ATP2C2: variants seen among roughly 807,000 people sequenced by gnomAD.
ATP2C2 encodes ATPase secretory pathway Ca2+ transporting 2.
A neutral mutation model predicts 110.8 loss-of-function variants in ATP2C2; 171 were observed. The ratio of observed to expected loss-of-function variants is 1.54; its 90% CI spans 1.36 to 1.75. ATP2C2 has a LOEUF of 1.75. Among genes scored for constraint, ATP2C2 ranks in the 40% most tolerant of loss-of-function variants. ATP2C2 has a pLI of 0.00. For synonymous variants in ATP2C2, 804 were observed against 508.4 expected (o/e 1.58, Z -7.82); for missense variants, 1,963 against 1,235.0 (o/e 1.59, Z -8.84).
At chr16:84,463,211 C>T (rs903599025) in intron 26 of ATP2C2, among the ~76,000 whole-genome samples, 11 of 24,088 alleles carry the variant, frequency 4.6e-4, no homozygotes, top group Admixed American at 9.4e-4. Context: ...GGGAACATGT[C>T]GCTGGGAATT....
chr16:84,444,162 C>CAAAAAAAAAAAAAAAAAAA, intron 15 of ATP2C2, among the ~76,000 whole-genome samples: 1 of 104,572 alleles, frequency 9.6e-6, no homozygotes, highest in Non-Finnish European at 1.9e-5. Context: ...GATCCTGCCT[C>CAAAAAAAAAAAAAAAAAAA]AAAAAAAAAA....
At chr16:84,413,238 G>C (rs1906543066) in intron 6 of ATP2C2, among the ~76,000 whole-genome samples, 1 of 152,114 alleles carries the variant, frequency 6.6e-6, no homozygotes, top group African/African-American at 2.4e-5. Context: ...TTTTCAGGGA[G>C]AGCTTTAGTA....
intron 2 of ATP2C2, among the ~76,000 whole-genome samples, chr16:84,403,244 A>C (rs1490227926): frequency 1.3e-5 from 2 of 152,112 alleles, no homozygotes; most frequent in South Asian, 4.2e-4. Context: ...GTTTCTTAAG[A>C]CAGGCCTATT....
At chr16:84,379,489 C>A (rs1182357084) in intron 1 of ATP2C2, among the ~76,000 whole-genome samples, 1 of 152,180 alleles carries the variant, frequency 6.6e-6, no homozygotes, top group Non-Finnish European at 1.5e-5. Flanking sequence ...GATGACATGT[C>A]CTCCAAGTGT....
chr16:84,451,362 C>T (rs1272585032), intron 17 of ATP2C2, among the ~76,000 whole-genome samples: 2 of 152,172 alleles, frequency 1.3e-5, no homozygotes, highest in African/African-American at 4.8e-5. Context: ...ACAGCCAAAC[C>T]ATATCAAGCA....
At chr16:84,414,360 C>T (rs1292048484) in intron 6 of ATP2C2, among the ~76,000 whole-genome samples, 1 of 152,206 alleles carries the variant, frequency 6.6e-6, no homozygotes, top group African/African-American at 2.4e-5. Flanking sequence ...ACCTTGTGCC[C>T]ACTGGGGTTG....
intron 3 of ATP2C2, among the ~76,000 whole-genome samples, 158 bp from the exon 4 acceptor site, chr16:84,408,247 G>T (rs1357907741): frequency 6.6e-6 from 1 of 152,200 alleles, no homozygotes; most frequent in Non-Finnish European, 1.5e-5. Flanking sequence ...GAGGACCACT[G>T]CATGGGGGTG....
intron 26 of ATP2C2, 119 bp from the exon 27 acceptor site, chr16:84,463,495 A>AT: frequency 1.2e-6 from 1 of 826,296 alleles, no homozygotes; most frequent in South Asian, 1.5e-5. Flanking sequence ...CAGGGGAATG[A>AT]AAAGGGCTGG....
intron 21 of ATP2C2, 55 bp from the exon 22 acceptor site, chr16:84,459,065 G>C (rs1597880895): frequency 1.3e-6 from 2 of 1,590,550 alleles, no homozygotes; most frequent in Middle Eastern, 1.8e-4. Context: ...CCGATGCACT[G>C]GTCCAGCCCT....
intron 11 of ATP2C2, among the ~76,000 whole-genome samples, chr16:84,437,123 G>T (rs1416653028): frequency 6.6e-6 from 1 of 152,118 alleles, no homozygotes; most frequent in East Asian, 1.9e-4. Flanking sequence ...TCCATTTAAA[G>T]CATACAATTT....
At chr16:84,383,569 C>G (rs1910711456) in intron 1 of ATP2C2, among the ~76,000 whole-genome samples, 1 of 152,106 alleles carries the variant, frequency 6.6e-6, no homozygotes, top group Non-Finnish European at 1.5e-5. Context: ...TTCAAATGGA[C>G]AGAAAAGTTG....
intron 11 of ATP2C2, among the ~76,000 whole-genome samples, chr16:84,435,439 G>C (rs381074): frequency 0.57 from 85,957 of 152,094 alleles, 24,584 homozygotes; most frequent in East Asian, 0.83. Flanking sequence ...CTAGGCCAGC[G>C]CAGGCCTAAG....
chr16:84,410,803 G>T (rs375760849), intron 6 of ATP2C2, 38 bp downstream of exon 6: 3 of 1,583,668 alleles, frequency 1.9e-6, no homozygotes, highest in East Asian at 4.5e-5. Flanking sequence ...TGGTTCACTG[G>T]AGGAGCCAGG....
At chr16:84,434,559 C>T (rs1018325483) in intron 11 of ATP2C2, among the ~76,000 whole-genome samples, 6 of 151,332 alleles carry the variant, frequency 4.0e-5, no homozygotes, top group African/African-American at 1.2e-4. Flanking sequence ...TCTCTGTCAC[C>T]CAGGCTGGAG....
intron 6 of ATP2C2, among the ~76,000 whole-genome samples, chr16:84,413,153 C>T (rs141952388): frequency 1.3e-5 from 2 of 151,898 alleles, no homozygotes; most frequent in East Asian, 3.9e-4. Flanking sequence ...ACAACTCAGC[C>T]CACCCTCTGA....
intron 1 of ATP2C2, 119 bp from the exon 2 acceptor site, chr16:84,398,380 T>C: frequency 2.0e-6 from 1 of 489,172 alleles, no homozygotes; most frequent in Non-Finnish European, 3.3e-6. Flanking sequence ...CACTCCAGCC[T>C]GGGTGACAGA....
At position 84,387,490 on chromosome 16, in the gene ATP2C2, C is replaced by T. The variant is rs543088460; in HGVS notation, c.100-11009C>T. 5.9e-5 allele frequency among the ~76,000 whole-genome samples: 9 copies of T among 151,856 alleles called. No homozygotes were observed. The South Asian group carries it at 1.0e-3, about 18-fold the overall frequency. ...TTGCGCCATTGCACTCCAGCCTGGGCGACAGAGTGAGACTCTGTCTCAAAA... is the reference window on the plus strand; with the variant it reads ...TTGCGCCATTGCACTCCAGCCTGGGTGACAGAGTGAGACTCTGTCTCAAAA... On this transcript the variant is annotated intron_variant, in intron 1 of 26. Transcript: ENST00000262429.
At chr16:84,433,666 A>G (rs1028147645) in intron 11 of ATP2C2, among the ~76,000 whole-genome samples, 3 of 135,778 alleles carry the variant, frequency 2.2e-5, no homozygotes, top group African/African-American at 8.7e-5. Flanking sequence ...ACAAAACAAA[A>G]CAAACAACAA....
chr16:84,409,381 G>T (rs535759707), intron 4 of ATP2C2, among the ~76,000 whole-genome samples: 3 of 152,008 alleles, frequency 2.0e-5, no homozygotes, highest in African/African-American at 7.3e-5. Context: ...GCAAACCAGC[G>T]TGGCATATGT....
Sources: gnomAD v4.1 joint callset for allele counts (sites outside exome capture counted in the v4.1 genomes callset) on GRCh38, gnomAD v4.1.1 for gene constraint, MANE v1.5 for transcripts, NCBI Gene and HGNC (gene_info 2026-07-23, HGNC 2026-07-21) for gene names.